Variants in CENPP observed in about 807,000 individuals in gnomAD.
The protein encoded by CENPP is centromere protein P.
In CENPP, 24 loss-of-function variants were observed where a neutral mutation model predicts 35.6. That is an observed-to-expected ratio of 0.67 (90% CI 0.49 to 0.95). The LOEUF is 0.95. CENPP is among the 40% of genes least tolerant of loss of function. The pLI is 0.00. For missense variants in CENPP, 332 were observed against 345.3 expected (o/e 0.96, Z 0.31); for synonymous variants, 120 against 125.5 (o/e 0.96, Z 0.29).
At chr9:92,466,624 A>G (rs1486598369) in intron 5 of CENPP, 5 of 1,395,042 alleles carry the variant, frequency 3.6e-6, no homozygotes, top group Non-Finnish European at 3.0e-6. Flanking sequence ...TTGATTTACC[A>G]GTATTCTACA....
chr9:92,532,454 T>C (rs764504551), intron 5 of CENPP, among the ~76,000 whole-genome samples: 1 of 152,174 alleles, frequency 6.6e-6, no homozygotes, highest in Non-Finnish European at 1.5e-5. Flanking sequence ...TCATTCTTTC[T>C]ATAACTACAG....
chr9:92,524,585 C>T (rs745957049), intron 5 of CENPP, among the ~76,000 whole-genome samples: 1 of 152,174 alleles, frequency 6.6e-6, no homozygotes, highest in Non-Finnish European at 1.5e-5. Context: ...TACTCACATA[C>T]ACACACCTAT....
intron 5 of CENPP, among the ~76,000 whole-genome samples, chr9:92,527,345 T>C (rs1205195676): frequency 6.6e-6 from 1 of 152,124 alleles, no homozygotes. Flanking sequence ...ACCATTCTGT[T>C]CCAGTTGCCT....
rs112127309 is a variant in CENPP at position 92,434,470 on chromosome 9, A to G, written c.564+54611A>G. Among the ~76,000 whole-genome samples, 161 of 152,268 alleles carry G rather than the reference A, an allele frequency of 1.1e-3. 1 individual carries two copies. The highest frequency in any genetic ancestry group is 3.7e-3 in the African/African-American group (152 of 41,552). On this transcript the variant is annotated intron_variant, in intron 5 of 7. Coordinates refer to ENST00000375587, the MANE Select transcript of CENPP (RefSeq NM_001012267.3). ...CTAATAAGATTTGTGTAAGAATTGC[A>G]TGCTGAAAACTGCAAACATTGAGGA...
intron 4 of CENPP, among the ~76,000 whole-genome samples, chr9:92,362,459 A>G (rs753761563): frequency 2.6e-5 from 4 of 152,062 alleles, no homozygotes; most frequent in Admixed American, 1.3e-4. Flanking sequence ...TTGATCATCT[A>G]TTGTGATCAG....
At chr9:92,352,350 A>G (rs1349455514) in intron 4 of CENPP, among the ~76,000 whole-genome samples, 1 of 150,444 alleles carries the variant, frequency 6.6e-6, no homozygotes, top group Non-Finnish European at 1.5e-5. Context: ...TCTGGGTGAC[A>G]GAGCAAGACA....
rs765443225 is a variant in CENPP, at chr9:92,332,308, C to T, written c.246C>T (p.Ser82=). ...TLTGINIRNH[S]KQTEDLTSTE... ...CTGGCATCAATATAAGAAATCACTC[C>T]AAGCAGACAGAAGACCTAACAAGCA... is the stretch of plus-strand genomic sequence containing the variant. Residue 82 remains serine (S), a synonymous_variant, in exon 2 of 8, where the codon TCC becomes TCT. Coordinates refer to ENST00000375587, the MANE Select transcript of CENPP (RefSeq NM_001012267.3). 6.2e-7 allele frequency: 1 copy of T among 1,608,332 alleles called. No individual in the cohort carries two copies. The highest frequency in any genetic ancestry group is 8.5e-7 in the Non-Finnish European group (1 of 1,177,758).
intron 5 of CENPP, among the ~76,000 whole-genome samples, chr9:92,565,233 GGAA>G (rs1372801367): frequency 1.1e-4 from 14 of 128,044 alleles, no homozygotes; most frequent in East Asian, 2.7e-4. Context: ...GAGTCACATT[GGAA>G]GAAGAACTGT....
intron 5 of CENPP, among the ~76,000 whole-genome samples, chr9:92,407,996 CAA>C (rs1256364576): frequency 6.6e-6 from 1 of 152,132 alleles, no homozygotes; most frequent in Admixed American, 6.6e-5. Context: ...ATTTTGGAAA[CAA>C]GAGCTTCCAG....
At chr9:92,376,439 A>T (rs1276814509) in intron 4 of CENPP, among the ~76,000 whole-genome samples, 1 of 152,230 alleles carries the variant, frequency 6.6e-6, no homozygotes, top group East Asian at 1.9e-4. Flanking sequence ...GGACATGAAC[A>T]CACCACTGTG....
chr9:92,440,876 A>G (rs1056565135), intron 5 of CENPP, among the ~76,000 whole-genome samples: 3 of 152,170 alleles, frequency 2.0e-5, no homozygotes, highest in African/African-American at 7.2e-5. Context: ...TTGTTCAGTA[A>G]GTCCTCACTT....
intron 5 of CENPP, among the ~76,000 whole-genome samples, chr9:92,428,083 G>A (rs1844014140): frequency 6.6e-6 from 1 of 152,158 alleles, no homozygotes; most frequent in Non-Finnish European, 1.5e-5. Flanking sequence ...GGCCACTTGG[G>A]CAGCCCTATA....
intron 5 of CENPP, among the ~76,000 whole-genome samples, chr9:92,574,471 A>G (rs1850230381): frequency 6.6e-6 from 1 of 152,192 alleles, no homozygotes; most frequent in East Asian, 1.9e-4. Context: ...TACAAAAACA[A>G]TTTTGTTACA....
chr9:92,507,173 T>G (rs1847057185), intron 5 of CENPP, among the ~76,000 whole-genome samples: 1 of 152,174 alleles, frequency 6.6e-6, no homozygotes, highest in Non-Finnish European at 1.5e-5. Flanking sequence ...TTTACAAAGG[T>G]TAACCTGGTG....
At chr9:92,570,972 C>G (rs1850122519) in intron 5 of CENPP, among the ~76,000 whole-genome samples, 1 of 151,896 alleles carries the variant, frequency 6.6e-6, no homozygotes, top group Non-Finnish European at 1.5e-5. Context: ...TCTCTCTTTT[C>G]TTCTTTATTA....
rs1371823193 is a variant in CENPP, at chr9:92,416,106, T to TA, written c.564+36247_564+36248insA. ...TATTTATTTATTTATTTATTTTATTTTTTTTTTTTTTAAGACAGAGTTTTG... is the reference window on the plus strand; with the variant it reads ...TATTTATTTATTTATTTATTTTATTTATTTTTTTTTTTAAGACAGAGTTTTG... On this transcript the variant is annotated intron_variant, in intron 5 of 7. Transcript: ENST00000375587. Among the ~76,000 whole-genome samples, 215 of 142,172 alleles carry TA rather than the reference T, an allele frequency of 1.5e-3. 1 individual carries two copies. The highest frequency in any genetic ancestry group is 5.4e-3 in the African/African-American group (207 of 38,440). The allele number at this position is 142,172 out of a possible 152,430, so 93.3% of individuals were successfully genotyped here. A position where few individuals can be genotyped will look rare whatever the true frequency, so the allele number is the denominator to read the frequency against.
chr9:92,395,983 T>G (rs559025746), intron 5 of CENPP, among the ~76,000 whole-genome samples: 1 of 152,192 alleles, frequency 6.6e-6, no homozygotes, highest in African/African-American at 2.4e-5. Flanking sequence ...AGAAGTTGTA[T>G]AGTTTAAGAT....
chr9:92,474,775 ATCATCATCATCT>A, intron 5 of CENPP: 1 of 1,612,378 alleles, frequency 6.2e-7, no homozygotes, highest in Non-Finnish European at 8.5e-7. Flanking sequence ...CATCATCATC[ATCATCATCATCT>A]GTGTCTTCCA....
chr9:92,386,061 TG>T, intron 5 of CENPP: 1 of 677,094 alleles, frequency 1.5e-6, no homozygotes. Flanking sequence ...TTAATCTTTT[TG>T]ATAGGCAGAC....
Sources: gnomAD v4.1 joint callset for allele counts (sites outside exome capture counted in the v4.1 genomes callset) on GRCh38, gnomAD v4.1.1 for gene constraint, MANE v1.5 for transcripts, NCBI Gene and HGNC (gene_info 2026-07-23, HGNC 2026-07-21) for gene names.